Variants in ZFHX4 observed in about 807,000 individuals in gnomAD.
ZFHX4 encodes the protein zinc finger homeobox 4.
ZFHX4 carries 56 observed loss-of-function variants against 267.6 expected under a neutral mutation model. The ratio of observed to expected loss-of-function variants is 0.21; its 90% CI spans 0.17 to 0.26. ZFHX4 has a LOEUF of 0.26. Among genes scored for constraint, ZFHX4 ranks in the 10% least tolerant of loss-of-function variants. The pLI is 1.00. For missense variants in ZFHX4, 4,332 were observed against 4,420.0 expected, an observed-to-expected ratio of 0.98 and a Z score of 0.56; for synonymous variants, 1,778 against 1,665.6, an observed-to-expected ratio of 1.07 and a Z score of -1.64.
chr8:76,850,064 C>T, intron 8 of ZFHX4, 181 bp from the exon 9 acceptor site: 1 of 593,054 alleles, frequency 1.7e-6, no homozygotes, highest in Non-Finnish European at 3.0e-6. Context: ...AATAATACAA[C>T]ATTGCCACAG....
At chr8:76,823,446 T>G (rs1811706352) in intron 4 of ZFHX4, among the ~76,000 whole-genome samples, 1 of 152,200 alleles carries the variant, frequency 6.6e-6, no homozygotes, top group Non-Finnish European at 1.5e-5. Context: ...TCTTGAAAAT[T>G]CATAGCAGGT....
intron 4 of ZFHX4, among the ~76,000 whole-genome samples, chr8:76,810,270 A>G (rs1811343378): frequency 6.6e-6 from 1 of 152,198 alleles, no homozygotes; most frequent in African/African-American, 2.4e-5. Context: ...GCGGGGTATC[A>G]TTAGTTCATA....
chr8:76,705,577 A>G lies in ZFHX4; in HGVS notation c.1489A>G (p.Asn497Asp). ...AGGTGAACTCACCGATAGTATTGGT[A>G]ACAAAGATTTCCCTCTCTTAAACCA... ...VLGELTDSIG[N>D]KDFPLLNQSI... The change falls in exon 2 of 11, where the codon AAC becomes GAC. Residue 497 changes from asparagine to aspartate, a missense_variant. Asn to Asp is a conservative substitution (Grantham distance 23, BLOSUM62 1). Around this residue, in one of 7 missense-constraint regions of ZFHX4, gnomAD observed 1,195 missense variants for 1,173.6 expected, o/e 1.02. Coordinates refer to ENST00000651372, the MANE Select transcript of ZFHX4 (RefSeq NM_024721.5). 6.2e-7 allele frequency: 1 copy of G among 1,613,720 alleles called. No homozygotes were observed.
In ZFHX4 at chr8:76,839,053, AAGAGAGAGAGAGAGAG is replaced by A. The variant is rs35873786; in HGVS notation, c.3395-3570_3395-3555del. The stretch of plus-strand genomic sequence containing the variant: ...AGCAACAGAGTGGGACTCTGTCTGA[AAGAGAGAGAGAGAGAG>A]AGAGAGAGAGAGAGAGAGAGAGAGA... On this transcript the variant is annotated intron_variant, in intron 5 of 10. Transcript: ENST00000651372. 3.6e-3 allele frequency among the ~76,000 whole-genome samples: 389 copies of A among 107,446 alleles called. 4 individuals carry two copies. The highest frequency in any genetic ancestry group is 0.011 in the African/African-American group (310 of 28,572). 70.5% of individuals were successfully genotyped at this position (107,446 alleles called of 152,430 possible).
At chr8:76,721,668 A>G (rs1341719658) in intron 3 of ZFHX4, among the ~76,000 whole-genome samples, 3 of 152,274 alleles carry the variant, frequency 2.0e-5, no homozygotes, top group East Asian at 3.9e-4. Flanking sequence ...GAGAATTAAT[A>G]TTTAGATTTC....
intron 3 of ZFHX4, among the ~76,000 whole-genome samples, chr8:76,734,959 T>A (rs1005835780): frequency 2.0e-5 from 3 of 152,160 alleles, no homozygotes; most frequent in Non-Finnish European, 2.9e-5. Flanking sequence ...CACAAAATTG[T>A]TTGAAGCATA....
At position 76,686,437 on chromosome 8, in the gene ZFHX4, AAC is replaced by A. The variant is rs1221041106; in HGVS notation, c.-47+4821_-47+4822del. On this transcript the variant is annotated intron_variant, in intron 1 of 10. Transcript: ENST00000651372. Reference sequence around the variant, plus strand: ...CAGAACTACTTTTTATGCCTGTCAAAACACAGCGTTAATCTATCCTTATTTAC... The same window carrying A: ...CAGAACTACTTTTTATGCCTGTCAAAACAGCGTTAATCTATCCTTATTTAC... 2.0e-5 allele frequency among the ~76,000 whole-genome samples: 3 copies of A among 152,308 alleles called. No homozygotes were observed. The East Asian group carries it at 5.8e-4, about 29-fold the overall frequency.
At chr8:76,850,743 C>A in intron 9 of ZFHX4, 143 bp from the exon 10 acceptor site, 1 of 1,033,714 alleles carries the variant, frequency 9.7e-7, no homozygotes, top group Non-Finnish European at 1.3e-6. Flanking sequence ...CCAGTGCTTG[C>A]CACATAGTAG....
chr8:76,763,188 G>A (rs139561948), intron 3 of ZFHX4, among the ~76,000 whole-genome samples: 89 of 152,006 alleles, frequency 5.9e-4, no homozygotes, highest in African/African-American at 2.0e-3. Context: ...CCATCCAGTT[G>A]TCACTCCACT....
intron 4 of ZFHX4, among the ~76,000 whole-genome samples, chr8:76,807,315 C>A (rs975637146): frequency 6.6e-6 from 1 of 151,854 alleles, no homozygotes; most frequent in African/African-American, 2.4e-5. Context: ...AAAGGCTAAC[C>A]TTTAAATTAC....
chr8:76,696,087 A>T (rs920505141), intron 1 of ZFHX4, among the ~76,000 whole-genome samples: 1 of 152,112 alleles, frequency 6.6e-6, no homozygotes, highest in Non-Finnish European at 1.5e-5. Context: ...AAACCTGCAA[A>T]CCTCATGACT....
chr8:76,719,524 T>C (rs1431775809), intron 3 of ZFHX4, among the ~76,000 whole-genome samples: 1 of 152,100 alleles, frequency 6.6e-6, no homozygotes, highest in African/African-American at 2.4e-5. Flanking sequence ...CTTTTCTTTT[T>C]CTACAAAAGG....
intron 4 of ZFHX4, among the ~76,000 whole-genome samples, chr8:76,807,162 T>C (rs1811266621): frequency 6.6e-6 from 1 of 151,916 alleles, no homozygotes; most frequent in South Asian, 2.1e-4. Flanking sequence ...GTAGGAGGGG[T>C]TTCTTTTATC....
At chr8:76,716,647 A>G (rs890007880) in intron 3 of ZFHX4, among the ~76,000 whole-genome samples, 2 of 152,038 alleles carry the variant, frequency 1.3e-5, no homozygotes, top group Non-Finnish European at 2.9e-5. Context: ...AAGCAAGCAG[A>G]TTTTCTTAAA....
At chr8:76,690,849 C>A (rs1807804454) in intron 1 of ZFHX4, among the ~76,000 whole-genome samples, 1 of 151,980 alleles carries the variant, frequency 6.6e-6, no homozygotes, top group African/African-American at 2.4e-5. Context: ...CTTCTTTCAT[C>A]TTCTAAGAAT....
At chr8:76,786,748 C>A (rs1010409681) in intron 4 of ZFHX4, among the ~76,000 whole-genome samples, 1 of 152,210 alleles carries the variant, frequency 6.6e-6, no homozygotes, top group Non-Finnish European at 1.5e-5. Flanking sequence ...TAATTGTGTT[C>A]CCATAAGTAG....
At chr8:76,765,883 A>G (rs948690364) in intron 3 of ZFHX4, among the ~76,000 whole-genome samples, 2 of 152,102 alleles carry the variant, frequency 1.3e-5, no homozygotes, top group African/African-American at 4.8e-5. Flanking sequence ...TCAAGACCAT[A>G]CTGCCATTAA....
chr8:76,800,014 T>A (rs990389528), intron 4 of ZFHX4, among the ~76,000 whole-genome samples: 8 of 152,062 alleles, frequency 5.3e-5, no homozygotes, highest in Non-Finnish European at 2.9e-5. Flanking sequence ...GTCCTTGACA[T>A]GTTGGATTGG....
chr8:76,863,212 A>ACCT lies in ZFHX4; in HGVS notation c.9517_9519dup (p.Pro3173dup), dbSNP rs199874527. 8.6e-5 allele frequency: 136 copies of ACCT among 1,572,562 alleles called. No individual in the cohort carries two copies. Among genetic ancestry groups the ACCT allele is most frequent in the Non-Finnish European group, 1.1e-4 (122 of 1,158,914 alleles). On this transcript the variant is annotated inframe_insertion, in exon 11 of 11. Coordinates refer to ENST00000651372, the MANE Select transcript of ZFHX4 (RefSeq NM_024721.5). ...TGCTGCAGACTCCACCACCTCCACC[A>ACCT]CCTCCTCCTCCTCCTCCTCCTTCAT...
Sources: allele counts gnomAD v4.1 joint callset (sites outside exome capture counted in the v4.1 genomes callset), GRCh38; gene constraint gnomAD v4.1.1; regional missense constraint gnomAD v4.1.1; transcripts MANE v1.5; gene names NCBI Gene and HGNC (gene_info 2026-07-23, HGNC 2026-07-21).